The following RADIL variants were observed in gnomAD, a reference collection of about 807,000 sequenced individuals.
RADIL encodes ras-associating and dilute domain-containing protein.
RADIL carries 99 observed loss-of-function variants against 97.6 expected under a neutral mutation model. That is an observed-to-expected ratio of 1.01 (90% CI 0.86 to 1.20). The LOEUF (loss-of-function observed/expected upper bound fraction) is 1.20, where lower values mean the gene tolerates loss of function less well. Ranked by LOEUF, RADIL falls within the 50% of genes most tolerant of loss-of-function variation. RADIL has a pLI of 0.00. For synonymous variants in RADIL, 803 were observed against 691.8 expected (o/e 1.16, Z -2.52); for missense variants, 1,765 against 1,498.9 (o/e 1.18, Z -2.93).
At chr7:4,865,370 TTG>T in intron 2 of RADIL, 3 of 597,640 alleles carry the variant, frequency 5.0e-6, no homozygotes, top group South Asian at 2.0e-5. Context: ...TGGTTTTTTT[TTG>T]TTGTTGTTCC....
At position 4,854,637 on chromosome 7, in the gene RADIL, T is replaced by C. The variant is rs749528583; in HGVS notation, c.536-18032A>G. Among the ~76,000 whole-genome samples the C allele has an allele frequency of 6.6e-6, 1 of 152,114 alleles. No individual in the cohort carries two copies. Among genetic ancestry groups the C allele is most frequent in the Non-Finnish European group, 1.5e-5 (1 of 68,020 alleles). On this transcript the variant is annotated intron_variant, in intron 2 of 14. Transcript: ENST00000399583. This position sits in a 1 kb window ranked among gnomAD's most constrained non-coding sequence, Gnocchi z 5.1. ...TGAACCCGGGAGGCAAAGGTTGCAGTGAGCCGAGATGGCGCCACCGCACTC... is the reference window on the plus strand; with the variant it reads ...TGAACCCGGGAGGCAAAGGTTGCAGCGAGCCGAGATGGCGCCACCGCACTC...
chr7:4,817,660 T>C lies in RADIL; in HGVS notation c.1616-309A>G, dbSNP rs889365286. ...TCCCACGTTCTGGATACGTTTTCTG[T>C]TACAACCAACTGCACCCAACATAGC... On this transcript the variant is annotated intron_variant, in intron 6 of 14. Coordinates refer to ENST00000399583, the MANE Select transcript of RADIL (RefSeq NM_018059.5). The surrounding 1 kb of genome is among the most constrained non-coding windows in gnomAD (Gnocchi z 8.3). Among the ~76,000 whole-genome samples the C allele has an allele frequency of 6.6e-6, 1 of 152,078 alleles. No individual in the cohort carries two copies. The highest frequency in any genetic ancestry group is 2.4e-5 in the African/African-American group (1 of 41,410).
At chr7:4,809,379 G>A in intron 9 of RADIL, 1 of 985,416 alleles carries the variant, frequency 1.0e-6, no homozygotes, top group Non-Finnish European at 1.2e-6. Context: ...GGCTGAGCGG[G>A]GGGAGGCGGA....
In RADIL at chr7:4,799,638, G is replaced by A. The variant is rs1479599106; in HGVS notation, c.3114C>T (p.Gly1038=). 1.2e-6 allele frequency: 2 copies of A among 1,605,008 alleles called. No homozygotes were observed. Among genetic ancestry groups the A allele is most frequent in the Non-Finnish European group, 1.7e-6 (2 of 1,176,434 alleles). The change falls in exon 14 of 15, where the codon GGC becomes GGT. Residue 1038 remains glycine, a synonymous_variant. Coordinates refer to ENST00000399583, the MANE Select transcript of RADIL (RefSeq NM_018059.5). ...GCATGCGGTGGGGGTACCTCAGGTA[G>A]CCAAGGCCCAGGAGGCTGCTGCCAT... ...EVNGSSLLGL[G]YLRAVDLIRH... is the part of the protein sequence containing the mutation.
chr7:4,801,126 A>G (rs373864021), intron 12 of RADIL, among the ~76,000 whole-genome samples: 2 of 151,910 alleles, frequency 1.3e-5, no homozygotes, highest in Admixed American at 1.3e-4. Flanking sequence ...CACCATGCAG[A>G]CACACCCATG....
At position 4,878,668 on chromosome 7, in the gene RADIL, C is replaced by A. The variant is rs138189622; in HGVS notation, c.-64-465G>T. Reference sequence around the variant, plus strand: ...ACCGAGAGGACTAAACGGGCTGGAGCGCCCTTCAAGGAAAGCCATTACTGG... The same window carrying A: ...ACCGAGAGGACTAAACGGGCTGGAGAGCCCTTCAAGGAAAGCCATTACTGG... On this transcript the variant is annotated intron_variant, in intron 1 of 14. Coordinates refer to ENST00000399583, the MANE Select transcript of RADIL (RefSeq NM_018059.5). This position sits in a 1 kb window ranked among gnomAD's most constrained non-coding sequence, Gnocchi z 4.1. 2.0e-5 allele frequency among the ~76,000 whole-genome samples: 3 copies of A among 152,216 alleles called. No homozygotes were observed. Among genetic ancestry groups the A allele is most frequent in the Non-Finnish European group, 2.9e-5 (2 of 68,036 alleles).
intron 9 of RADIL, chr7:4,809,498 C>G: frequency 1.0e-6 from 1 of 985,386 alleles, no homozygotes. Flanking sequence ...TGTCCAGCCC[C>G]CAAAACAAGA....
Position 4,872,274 on chromosome 7 carries a change from G to A in RADIL, c.535+5331C>T, listed in dbSNP as rs1216452447. On this transcript the variant is annotated intron_variant, in intron 2 of 14. Transcript: ENST00000399583. This position sits in a 1 kb window ranked among gnomAD's most constrained non-coding sequence, Gnocchi z 5.8. ...TTTGGTTGTTACAACTTGGGGGTGG[G>A]GGCACAGGAGCCAGGGACACTGCTC... Among the ~76,000 whole-genome samples, 4 of 152,166 alleles carry A rather than the reference G, an allele frequency of 2.6e-5. No individual in the cohort carries two copies. Among genetic ancestry groups the A allele is most frequent in the Admixed American group, 6.5e-5 (1 of 15,280 alleles).
At chr7:4,861,834 G>GCACGTCCCCCACCAGCGCGACCTT in intron 2 of RADIL, 1 of 1,268,420 alleles carries the variant, frequency 7.9e-7, no homozygotes, top group Non-Finnish European at 1.0e-6. Flanking sequence ...CCCCGCCAGG[G>GCACGTCCCCCACCAGCGCGACCTT]CACGTCCCCC....
At chr7:4,881,469 G>A (rs1327220171) in intron 1 of RADIL, among the ~76,000 whole-genome samples, 8 of 148,982 alleles carry the variant, frequency 5.4e-5, no homozygotes, top group African/African-American at 7.4e-5. Context: ...GTTCATGCCT[G>A]TAATCCCAGC....
Position 4,817,295 on chromosome 7 carries a change from C to A in RADIL, c.1672G>T (p.Val558Leu). 2 of 1,612,730 alleles carry A rather than the reference C, an allele frequency of 1.2e-6. No individual in the cohort carries two copies. The highest frequency in any genetic ancestry group is 8.5e-7 in the Non-Finnish European group (1 of 1,179,766). ...GCGTACAGCACCACCTCCTCCAGCA[C>A]CGCCATGGCCTCCTCGCTGGCCGTC... Reference protein sequence around the residue: ...TLTASEEAMAVLEEVVLYAFQ... With the variant: ...TLTASEEAMALLEEVVLYAFQ... The change falls in exon 7 of 15, where the codon GTG becomes TTG. Residue 558 changes from valine to leucine, a missense_variant. Val to Leu is a conservative substitution (Grantham distance 32). Transcript: ENST00000399583. The surrounding 1 kb of genome is among the most constrained non-coding windows in gnomAD (Gnocchi z 8.3).
At position 4,879,560 on chromosome 7, in the gene RADIL, AGCACGGGTC is replaced by A. The variant is rs1437972887; in HGVS notation, c.-64-1366_-64-1358del. Among the ~76,000 whole-genome samples the A allele has an allele frequency of 6.6e-6, 1 of 152,156 alleles. No individual in the cohort carries two copies. Among genetic ancestry groups the A allele is most frequent in the Non-Finnish European group, 1.5e-5 (1 of 68,026 alleles). Reference sequence around the variant, plus strand: ...GAGTGGTCCAGGTCCCAGTGAACACAGCACGGGTCGCCTGCCACTGCGACCGGGGTCAGT... The same window carrying A: ...GAGTGGTCCAGGTCCCAGTGAACACAGCCTGCCACTGCGACCGGGGTCAGT... On this transcript the variant is annotated intron_variant, in intron 1 of 14. Coordinates refer to ENST00000399583, the MANE Select transcript of RADIL (RefSeq NM_018059.5). The surrounding 1 kb of genome is among the most constrained non-coding windows in gnomAD (Gnocchi z 4.1).
chr7:4,830,853 A>G (rs967788237), intron 5 of RADIL, among the ~76,000 whole-genome samples: 9 of 152,046 alleles, frequency 5.9e-5, no homozygotes, highest in African/African-American at 1.7e-4. Context: ...TCTCTACTAA[A>G]AATACAAAAA....
Position 4,798,065 on chromosome 7 carries a change from AAT to A in RADIL, c.*1311_*1312del, listed in dbSNP as rs1269981951. On this transcript the variant is annotated 3_prime_UTR_variant, in exon 15 of 15. Coordinates refer to ENST00000399583, the MANE Select transcript of RADIL (RefSeq NM_018059.5). ...ATATATTACGTATACATGAATATGTAATATATTCATATATAATTATATATTTA... is the reference window on the plus strand; with the variant it reads ...ATATATTACGTATACATGAATATGTAATATTCATATATAATTATATATTTA... 1 of 147,016 alleles carries A rather than the reference AAT, an allele frequency of 6.8e-6. No individual in the cohort carries two copies. Among genetic ancestry groups the A allele is most frequent in the Non-Finnish European group, 1.5e-5 (1 of 67,248 alleles). 9.1% of individuals were successfully genotyped at this position (147,016 alleles called of 1,614,324 possible). A position where few individuals can be genotyped will look rare whatever the true frequency, so the allele number is the denominator to read the frequency against.
Position 4,818,173 on chromosome 7 carries a change from C to T in RADIL, c.1616-822G>A, listed in dbSNP as rs1283295768. On this transcript the variant is annotated intron_variant, in intron 6 of 14. Coordinates refer to ENST00000399583, the MANE Select transcript of RADIL (RefSeq NM_018059.5). The surrounding 1 kb of genome is among the most constrained non-coding windows in gnomAD (Gnocchi z 7.1). ...CTGTGGGGCCTTCTTCCAGGAGGGGCAGAGGGGCCGCATCGTGGGGGCTGC... is the reference window on the plus strand; with the variant it reads ...CTGTGGGGCCTTCTTCCAGGAGGGGTAGAGGGGCCGCATCGTGGGGGCTGC... Among the ~76,000 whole-genome samples the T allele has an allele frequency of 1.3e-5, 2 of 151,720 alleles. No individual in the cohort carries two copies. The highest frequency in any genetic ancestry group is 2.9e-5 in the Non-Finnish European group (2 of 68,010).
At position 4,849,890 on chromosome 7, in the gene RADIL, A is replaced by C. The variant is rs1389460851; in HGVS notation, c.536-13285T>G. Reference sequence around the variant, plus strand: ...AAATCCTAGGTAATAAGAAAGTATTATGTCCTAGTTTAATTGTATTTTTTA... The same window carrying C: ...AAATCCTAGGTAATAAGAAAGTATTCTGTCCTAGTTTAATTGTATTTTTTA... On this transcript the variant is annotated intron_variant, in intron 2 of 14. Transcript: ENST00000399583. The surrounding 1 kb of genome is among the most constrained non-coding windows in gnomAD (Gnocchi z 5.4). Among the ~76,000 whole-genome samples, 4 of 152,308 alleles carry C rather than the reference A, an allele frequency of 2.6e-5. No homozygotes were observed. Among genetic ancestry groups the C allele is most frequent in the African/African-American group, 9.6e-5 (4 of 41,574 alleles).
At position 4,817,254 on chromosome 7, in the gene RADIL, G is replaced by A. The variant is rs987361358; in HGVS notation, c.1713C>T (p.Val571=). Residue 571 remains valine, a synonymous_variant, in exon 7 of 15, where the codon GTC becomes GTT. Transcript: ENST00000399583. The surrounding 1 kb of genome is among the most constrained non-coding windows in gnomAD (Gnocchi z 8.3). The part of the protein sequence containing the change: ...EVVLYAFQQC[V]YYVSKSLYIC... Reference sequence around the variant, plus strand: ...GTCCGTGCACCTTGGAGACATAGTAGACGCACTGCTGGAAGGCGTACAGCA... The same window carrying A: ...GTCCGTGCACCTTGGAGACATAGTAAACGCACTGCTGGAAGGCGTACAGCA... 3.2e-5 allele frequency: 51 copies of A among 1,612,140 alleles called. No individual in the cohort carries two copies. The highest frequency in any genetic ancestry group is 3.8e-5 in the Non-Finnish European group (45 of 1,179,406).
chr7:4,878,898 C>T lies in RADIL; in HGVS notation c.-64-695G>A, dbSNP rs79439502. On this transcript the variant is annotated intron_variant, in intron 1 of 14. Coordinates refer to ENST00000399583, the MANE Select transcript of RADIL (RefSeq NM_018059.5). This position sits in a 1 kb window ranked among gnomAD's most constrained non-coding sequence, Gnocchi z 4.1. ...TCCGTAAACCTCGTGTCTCCTACCC[C>T]ACAGGCTGCGACGTGGGAAATGGGT... Among the ~76,000 whole-genome samples, 2,991 of 152,348 alleles carry T rather than the reference C, an allele frequency of 0.02. 107 individuals are homozygous for T. Among genetic ancestry groups the T allele is most frequent in the African/African-American group, 0.066 (2,754 of 41,572 alleles).
chr7:4,803,678 G>A lies in RADIL; in HGVS notation c.2367C>T (p.Ala789=). ...PSDGFQVDLE[A]NCLDDSIYQH... is the part of the protein sequence containing the mutation. ...GGTAGATGCTGTCGTCCAGGCAGTT[G>A]GCTTCCAAGTCCACCTGGAAGCCGT... Residue 789 remains alanine (A), a synonymous_variant, in exon 11 of 15, where the codon GCC becomes GCT. Transcript: ENST00000399583. 6.4e-7 allele frequency: 1 copy of A among 1,557,254 alleles called. No individual in the cohort carries two copies.
Sources: allele counts gnomAD v4.1 joint callset (sites outside exome capture counted in the v4.1 genomes callset), GRCh38; gene constraint gnomAD v4.1.1; non-coding constraint Gnocchi (gnomAD v3.1); transcripts MANE v1.5; gene names NCBI Gene and HGNC (gene_info 2026-07-23, HGNC 2026-07-21).